The following RARB variants were observed in gnomAD, a reference collection of about 807,000 sequenced individuals.
RARB encodes the protein HBV-activated protein.
RARB carries 17 observed loss-of-function variants against 51.9 expected under a neutral mutation model. The ratio of observed to expected loss-of-function variants is 0.33; its 90% CI spans 0.22 to 0.49. The LOEUF (loss-of-function observed/expected upper bound fraction) is 0.49, where lower values mean the gene tolerates loss of function less well. Among genes scored for constraint, RARB ranks in the 20% least tolerant of loss-of-function variants. The pLI is 0.99. For missense variants in RARB, 369 were observed against 550.8 expected (o/e 0.67, Z 3.30); for synonymous variants, 215 against 195.4 (o/e 1.10, Z -0.84).
chr3:24,909,248 A>G (rs895681652), intron 2 of RARB, among the ~76,000 whole-genome samples: 4 of 152,350 alleles, frequency 2.6e-5, no homozygotes, highest in South Asian at 4.1e-4. Flanking sequence ...CTGAACCACT[A>G]GGGCACTTAT....
chr3:25,384,194 G>C (rs995024546), intron 5 of RARB, among the ~76,000 whole-genome samples: 2 of 152,122 alleles, frequency 1.3e-5, no homozygotes, highest in Non-Finnish European at 2.9e-5. Flanking sequence ...CACCCCAGTA[G>C]AGCCCCGCCC....
At chr3:25,225,486 C>T (rs975908462) in intron 5 of RARB, among the ~76,000 whole-genome samples, 14 of 152,296 alleles carry the variant, frequency 9.2e-5, no homozygotes, top group African/African-American at 3.4e-4. Flanking sequence ...CATATTTCAA[C>T]ACCAAATAAA....
At chr3:25,416,405 A>G (rs1307989718) in intron 5 of RARB, among the ~76,000 whole-genome samples, 3 of 152,190 alleles carry the variant, frequency 2.0e-5, no homozygotes, top group Admixed American at 6.5e-5. Context: ...AAGCAAATAT[A>G]TAACTGCAGA....
intron 5 of RARB, among the ~76,000 whole-genome samples, chr3:25,211,091 A>G (rs1052503251): frequency 6.6e-6 from 1 of 152,218 alleles, no homozygotes; most frequent in Non-Finnish European, 1.5e-5. Flanking sequence ...TGCCTGGGAC[A>G]TAGTAAGCTG....
intron 3 of RARB, among the ~76,000 whole-genome samples, chr3:25,553,351 A>C (rs1699923115): frequency 6.6e-6 from 1 of 152,142 alleles, no homozygotes; most frequent in South Asian, 2.1e-4. Context: ...GGAGCAGAGA[A>C]CTTTTCTTTA....
At chr3:24,941,933 T>A (rs1695676852) in intron 2 of RARB, among the ~76,000 whole-genome samples, 1 of 152,196 alleles carries the variant, frequency 6.6e-6, no homozygotes, top group South Asian at 2.1e-4. Flanking sequence ...GATTTCCTCA[T>A]GAGAAAGTGT....
chr3:25,042,378 C>T (rs945027454), intron 2 of RARB, among the ~76,000 whole-genome samples: 3 of 152,188 alleles, frequency 2.0e-5, no homozygotes, highest in Non-Finnish European at 4.4e-5. Flanking sequence ...AGAGCCAAGA[C>T]TATTGTCTCA....
At chr3:25,133,690 A>G (rs9877845) in intron 4 of RARB, among the ~76,000 whole-genome samples, 22 of 151,626 alleles carry the variant, frequency 1.5e-4, no homozygotes, top group African/African-American at 5.3e-4. Flanking sequence ...TCAATACAGC[A>G]GGCTTGTAAA....
At chr3:25,565,312 T>G (rs1182555979) in intron 3 of RARB, among the ~76,000 whole-genome samples, 1 of 152,174 alleles carries the variant, frequency 6.6e-6, no homozygotes, top group Non-Finnish European at 1.5e-5. Context: ...ATTAGGTTGT[T>G]GTAAGGATTG....
intron 2 of RARB, among the ~76,000 whole-genome samples, chr3:25,467,739 A>T (rs115668403): frequency 6.6e-6 from 1 of 152,214 alleles, no homozygotes; most frequent in African/African-American, 2.4e-5. Context: ...GTCTTCTATT[A>T]TTCCCTAGTT....
intron 2 of RARB, among the ~76,000 whole-genome samples, chr3:24,954,001 C>A (rs1390521871): frequency 6.6e-6 from 1 of 152,090 alleles, no homozygotes; most frequent in Non-Finnish European, 1.5e-5. Context: ...GTCTCTTTGT[C>A]CTTTTCCTTA....
At position 25,007,794 on chromosome 3, in the gene RARB, T is replaced by C. The variant is rs562883961; in HGVS notation, c.-379-52331T>C. On this transcript the variant is annotated intron_variant, in intron 2 of 11. Coordinates refer to the RARB transcript ENST00000383772. ...TAATCTTCATTTTCAATTGCAACACTGAAAGCTCTGGAGCTTTGTGATACG... is the reference window on the plus strand; with the variant it reads ...TAATCTTCATTTTCAATTGCAACACCGAAAGCTCTGGAGCTTTGTGATACG... 5.3e-5 allele frequency among the ~76,000 whole-genome samples: 8 copies of C among 152,108 alleles called. No homozygotes were observed. The South Asian group carries it at 1.7e-3, about 32-fold the overall frequency.
At chr3:25,326,868 T>C (rs775617603) in intron 5 of RARB, among the ~76,000 whole-genome samples, 44 of 152,014 alleles carry the variant, frequency 2.9e-4, no homozygotes, top group Non-Finnish European at 5.7e-4. Flanking sequence ...CTTTAACTTT[T>C]AGGGTACATG....
intron 4 of RARB, among the ~76,000 whole-genome samples, chr3:25,142,392 A>G (rs1433464746): frequency 6.6e-6 from 1 of 152,150 alleles, no homozygotes; most frequent in Non-Finnish European, 1.5e-5. Context: ...TTGAATCAGG[A>G]TCTGCATTTT....
At chr3:25,368,469 G>A (rs1706197417) in intron 5 of RARB, among the ~76,000 whole-genome samples, 1 of 152,140 alleles carries the variant, frequency 6.6e-6, no homozygotes, top group African/African-American at 2.4e-5. Context: ...AAGCAGGCAA[G>A]TTCAAAGATG....
chr3:25,450,276 G>A (rs986282055), intron 1 of RARB, among the ~76,000 whole-genome samples: 1 of 152,060 alleles, frequency 6.6e-6, no homozygotes, highest in African/African-American at 2.4e-5. Context: ...CTTTTCCCCA[G>A]ATAATAAATA....
chr3:25,544,211 C>A (rs948840439), intron 3 of RARB, among the ~76,000 whole-genome samples: 3 of 151,864 alleles, frequency 2.0e-5, no homozygotes, highest in African/African-American at 7.3e-5. Flanking sequence ...GAAAAAAATA[C>A]ATAAATGCAT....
intron 5 of RARB, among the ~76,000 whole-genome samples, chr3:25,311,177 G>T (rs965893585): frequency 7.2e-5 from 11 of 152,196 alleles, no homozygotes; most frequent in African/African-American, 2.4e-4. Context: ...TAGGTGGCAG[G>T]CATAAAGGAG....
chr3:24,992,767 G>T (rs943631099), intron 2 of RARB, among the ~76,000 whole-genome samples: 7 of 151,988 alleles, frequency 4.6e-5, no homozygotes, highest in African/African-American at 1.7e-4. Context: ...ATCCATTAGC[G>T]ATCACCCATA....
Sources: allele counts gnomAD v4.1 joint callset (sites outside exome capture counted in the v4.1 genomes callset), GRCh38; gene constraint gnomAD v4.1.1; transcripts MANE v1.5; gene names NCBI Gene and HGNC (gene_info 2026-07-23, HGNC 2026-07-21).